The following MTA3 variants were observed in gnomAD, a reference collection of about 807,000 sequenced individuals.
MTA3 encodes the protein metastasis associated 1 family member 3.
Under a neutral mutation model 83.5 loss-of-function variants are expected in MTA3, and 34 were observed. The observed-to-expected ratio is 0.41, with a 90% CI of 0.31 to 0.54. MTA3 has a LOEUF of 0.54. Among genes scored for constraint, MTA3 ranks in the 20% least tolerant of loss-of-function variants. MTA3 has a pLI of 0.33. For synonymous variants in MTA3, 303 were observed against 252.7 expected (o/e 1.20, Z -1.89); for missense variants, 761 against 726.4 (o/e 1.05, Z -0.55).
intron 2 of MTA3, among the ~76,000 whole-genome samples, chr2:42,511,366 A>C (rs570624515): frequency 6.6e-6 from 1 of 152,208 alleles, no homozygotes; most frequent in East Asian, 1.9e-4. Context: ...AAAAAAAAAA[A>C]AACCTCAGGC....
chr2:42,584,893 A>G (rs547194715), intron 3 of MTA3, among the ~76,000 whole-genome samples: 2 of 151,878 alleles, frequency 1.3e-5, no homozygotes, highest in East Asian at 3.9e-4. Flanking sequence ...GGGGGAAAAA[A>G]ATGGATTAAG....
intron 2 of MTA3, among the ~76,000 whole-genome samples, chr2:42,562,268 C>T (rs1677706042): frequency 2.0e-5 from 3 of 152,098 alleles, no homozygotes; most frequent in East Asian, 1.9e-4. Context: ...AGGTCATATT[C>T]GCAGGTTCTG....
chr2:42,646,370 C>T (rs895692600), intron 6 of MTA3, among the ~76,000 whole-genome samples: 3 of 152,156 alleles, frequency 2.0e-5, no homozygotes, highest in African/African-American at 4.8e-5. Context: ...AATAACATCA[C>T]CTAAGGCTAT....
At chr2:42,510,517 C>T (rs1674849495) in intron 2 of MTA3, among the ~76,000 whole-genome samples, 1 of 152,084 alleles carries the variant, frequency 6.6e-6, no homozygotes, top group African/African-American at 2.4e-5. Flanking sequence ...CCAGGACCTA[C>T]AAGGAGGGAA....
rs114818981 is a variant in MTA3, at chr2:42,585,805, A to T, written c.190+6605A>T. Among the ~76,000 whole-genome samples, 971 of 151,954 alleles carry T rather than the reference A, an allele frequency of 6.4e-3. 11 individuals are homozygous for T. Among genetic ancestry groups the T allele is most frequent in the African/African-American group, 0.02 (841 of 41,480 alleles). ...TGTATTTTATTTTATTTATTTGGTT[A>T]TGTATAATTACAGTTTTACCTACAA... On this transcript the variant is annotated intron_variant, in intron 3 of 16. Transcript: ENST00000405094.
At chr2:42,564,689 G>A (rs1362589779), upstream of MTA3, among the ~76,000 whole-genome samples, 1 of 152,130 alleles carries the variant, frequency 6.6e-6, no homozygotes, top group African/African-American at 2.4e-5. Context: ...CTGGCCTCTG[G>A]TTTCAGATTA....
At chr2:42,696,839 CAATATT>C (rs538454184) in intron 10 of MTA3, among the ~76,000 whole-genome samples, 88 of 152,138 alleles carry the variant, frequency 5.8e-4, no homozygotes, top group African/African-American at 1.9e-3. Flanking sequence ...TTTCCAGTGT[CAATATT>C]AATATAATTC....
intron 4 of MTA3, among the ~76,000 whole-genome samples, chr2:42,622,564 A>C (rs1685687650): frequency 6.6e-6 from 1 of 152,170 alleles, no homozygotes. Context: ...TTTTAATTTC[A>C]ACATGGTAAA....
chr2:42,742,325 G>A (rs1669097693), intron 16 of MTA3, among the ~76,000 whole-genome samples: 1 of 152,012 alleles, frequency 6.6e-6, no homozygotes, highest in Admixed American at 6.6e-5. Context: ...TTTTAGTAGA[G>A]ACAGCCTTTC....
chr2:42,574,381 C>G (rs1043878179), intron 2 of MTA3, among the ~76,000 whole-genome samples: 34 of 152,236 alleles, frequency 2.2e-4, no homozygotes, highest in African/African-American at 7.9e-4. Context: ...CCACCTCGGC[C>G]TCCCAAAGTG....
chr2:42,677,620 G>A (rs535392531), intron 8 of MTA3, among the ~76,000 whole-genome samples: 17 of 152,020 alleles, frequency 1.1e-4, no homozygotes, highest in African/African-American at 3.1e-4. Flanking sequence ...CTGAGATTAC[G>A]GGTATGAGCC....
At chr2:42,683,724 A>C (rs549247355) in intron 9 of MTA3, among the ~76,000 whole-genome samples, 14 of 152,220 alleles carry the variant, frequency 9.2e-5, no homozygotes, top group Non-Finnish European at 2.1e-4. Context: ...AATAGGGTTC[A>C]TGCTCCCGTG....
chr2:42,660,830 CAT>C (rs1484484085), intron 8 of MTA3, among the ~76,000 whole-genome samples: 1 of 152,142 alleles, frequency 6.6e-6, no homozygotes, highest in Non-Finnish European at 1.5e-5. Context: ...TGTAAGAACT[CAT>C]AGAGGAATAC....
chr2:42,585,471 CT>C (rs1354083453), intron 3 of MTA3, among the ~76,000 whole-genome samples: 1 of 140,432 alleles, frequency 7.1e-6, no homozygotes, highest in Non-Finnish European at 1.5e-5. Context: ...TTTTTTCTTT[CT>C]TTTCTTTTTT....
rs941779288 is a variant in MTA3 at position 42,656,586 on chromosome 2, A to G, written c.602+284A>G. On this transcript the variant is annotated intron_variant, in intron 7 of 16. Coordinates refer to ENST00000405094, the MANE Select transcript of MTA3 (RefSeq NM_001330442.2). ...ATACCTGAAGTCCCACATCCTTAAT[A>G]AAAAGAGTCATCCTTTTTACTTGAC... Among the ~76,000 whole-genome samples the G allele has an allele frequency of 3.9e-5, 6 of 152,304 alleles. No individual in the cohort carries two copies. The South Asian group carries it at 1.0e-3, about 26-fold the overall frequency.
chr2:42,517,931 A>G (rs569631657), intron 2 of MTA3, among the ~76,000 whole-genome samples: 93 of 151,978 alleles, frequency 6.1e-4, no homozygotes, highest in African/African-American at 2.2e-3. Flanking sequence ...CACGCCTGTA[A>G]TCCGAGCACT....
At chr2:42,690,736 G>A (rs569615555) in intron 9 of MTA3, among the ~76,000 whole-genome samples, 5 of 147,934 alleles carry the variant, frequency 3.4e-5, no homozygotes, top group African/African-American at 4.9e-5. Context: ...GTGCAGTGGC[G>A]CAATCTTGGC....
chr2:42,520,748 T>G (rs1675388513), intron 2 of MTA3, among the ~76,000 whole-genome samples: 1 of 152,048 alleles, frequency 6.6e-6, no homozygotes, highest in Non-Finnish European at 1.5e-5. Context: ...GTATTTTTTG[T>G]AGAGACAGGG....
chr2:42,586,507 CACACACAA>C (rs1178888158), intron 3 of MTA3, among the ~76,000 whole-genome samples: 2 of 146,320 alleles, frequency 1.4e-5, no homozygotes, highest in African/African-American at 5.1e-5. Context: ...CACACACACA[CACACACAA>C]ACACACAAAG....
Sources: allele counts gnomAD v4.1 joint callset (sites outside exome capture counted in the v4.1 genomes callset), GRCh38; gene constraint gnomAD v4.1.1; transcripts MANE v1.5; gene names NCBI Gene and HGNC (gene_info 2026-07-23, HGNC 2026-07-21).